Variants in ERC2 observed in about 807,000 individuals in gnomAD.
ERC2 encodes ERC protein 2.
In ERC2, 42 loss-of-function variants were observed where a neutral mutation model predicts 114.8. The ratio of observed to expected loss-of-function variants is 0.37; its 90% CI spans 0.29 to 0.47. ERC2 has a LOEUF of 0.47. Among genes scored for constraint, ERC2 ranks in the 20% least tolerant of loss-of-function variants. The probability of loss-of-function intolerance (pLI) is 0.99; values close to 1 mark genes in which losing one functional copy is unlikely to be tolerated. For missense variants in ERC2, 939 were observed against 1,150.7 expected (o/e 0.82, Z 2.66); for synonymous variants, 454 against 425.5 (o/e 1.07, Z -0.82).
intron 6 of ERC2, among the ~76,000 whole-genome samples, chr3:56,125,050 A>C (rs915110692): frequency 1.3e-5 from 2 of 152,338 alleles, no homozygotes; most frequent in Non-Finnish European, 2.9e-5. Context: ...AGAGAAAATG[A>C]GCTTCCTTCT....
At chr3:55,874,652 TGA>T (rs930999716) in intron 14 of ERC2, among the ~76,000 whole-genome samples, 24 of 152,128 alleles carry the variant, frequency 1.6e-4, no homozygotes, top group Admixed American at 7.9e-4. Flanking sequence ...TGTACTGGTC[TGA>T]GTCCTGAAGA....
chr3:55,627,223 T>A (rs1350992280), intron 17 of ERC2, among the ~76,000 whole-genome samples: 1 of 152,178 alleles, frequency 6.6e-6, no homozygotes, highest in African/African-American at 2.4e-5. Flanking sequence ...ATCCCAGCAA[T>A]TTAGGAGGCC....
intron 14 of ERC2, among the ~76,000 whole-genome samples, chr3:55,798,754 C>CA: frequency 6.6e-6 from 1 of 152,042 alleles, no homozygotes; most frequent in Admixed American, 6.5e-5. Context: ...TTGGGTGAAT[C>CA]AAGGATGAGG....
intron 7 of ERC2, among the ~76,000 whole-genome samples, chr3:56,032,903 GAAAGAA>G (rs1560056144): frequency 6.0e-4 from 22 of 36,744 alleles, no homozygotes; most frequent in African/African-American, 1.4e-3. Flanking sequence ...GAGAGAGACA[GAAAGAA>G]AGAAAGAAAG....
chr3:55,679,568 T>C (rs1479669817), intron 17 of ERC2, among the ~76,000 whole-genome samples: 1 of 152,180 alleles, frequency 6.6e-6, no homozygotes, highest in Non-Finnish European at 1.5e-5. Flanking sequence ...TTTCCTAGCA[T>C]CTAACTGAGA....
chr3:56,010,631 A>G, intron 8 of ERC2, 42 bp from the exon 9 acceptor site: 4 of 1,598,300 alleles, frequency 2.5e-6, no homozygotes, highest in Non-Finnish European at 3.4e-6. Flanking sequence ...AGAACCCATC[A>G]GTGTATATGC....
chr3:55,527,244 C>T (rs367763608), intron 17 of ERC2, among the ~76,000 whole-genome samples: 48 of 152,202 alleles, frequency 3.2e-4, no homozygotes, highest in African/African-American at 1.1e-3. Flanking sequence ...ATCTGTCAGA[C>T]GGAGATAGTA....
chr3:55,519,133 T>A (rs1371690300), intron 17 of ERC2, among the ~76,000 whole-genome samples: 2 of 152,128 alleles, frequency 1.3e-5, no homozygotes, highest in African/African-American at 4.8e-5. Flanking sequence ...CTGCCTGAGG[T>A]TATTAGGTTA....
intron 2 of ERC2, among the ~76,000 whole-genome samples, chr3:56,343,545 G>C (rs1233766729): frequency 6.6e-6 from 1 of 152,094 alleles, no homozygotes; most frequent in South Asian, 2.1e-4. Flanking sequence ...TTGAGCCCAA[G>C]AGTTTAAGGC....
intron 2 of ERC2, among the ~76,000 whole-genome samples, chr3:56,423,052 C>CTT (rs2061443580): frequency 6.6e-6 from 1 of 152,182 alleles, no homozygotes; most frequent in South Asian, 2.1e-4. Flanking sequence ...CACCTATTTA[C>CTT]CAAATGTCTA....
At chr3:56,243,211 C>T (rs773243158) in intron 3 of ERC2, among the ~76,000 whole-genome samples, 1 of 152,114 alleles carries the variant, frequency 6.6e-6, no homozygotes, top group Non-Finnish European at 1.5e-5. Flanking sequence ...TCAGTCATTT[C>T]CCAGACATCT....
chr3:55,915,291 A>T (rs1265992689), intron 13 of ERC2, among the ~76,000 whole-genome samples: 1 of 152,140 alleles, frequency 6.6e-6, no homozygotes, highest in Non-Finnish European at 1.5e-5. Context: ...TATGACGCTT[A>T]TGTTGGCTTA....
At chr3:55,830,007 C>T (rs2060501558) in intron 14 of ERC2, among the ~76,000 whole-genome samples, 2 of 152,084 alleles carry the variant, frequency 1.3e-5, no homozygotes, top group African/African-American at 4.8e-5. Flanking sequence ...CAAAAAAACC[C>T]ACCTGCAGCT....
intron 3 of ERC2, among the ~76,000 whole-genome samples, chr3:56,176,206 A>T (rs376400091): frequency 2.6e-5 from 4 of 152,338 alleles, no homozygotes; most frequent in African/African-American, 9.6e-5. Flanking sequence ...AAAAGCCAGG[A>T]ATGCAATTCA....
At chr3:56,422,443 C>T (rs1432184196) in intron 2 of ERC2, among the ~76,000 whole-genome samples, 1 of 152,136 alleles carries the variant, frequency 6.6e-6, no homozygotes, top group Non-Finnish European at 1.5e-5. Context: ...GGATGGGTTT[C>T]CAAGACAGGA....
chr3:55,829,063 T>C (rs988670024), intron 14 of ERC2, among the ~76,000 whole-genome samples: 1 of 152,128 alleles, frequency 6.6e-6, no homozygotes, highest in Non-Finnish European at 1.5e-5. Flanking sequence ...CCCAGGAAGT[T>C]GAGGCTGCAC....
intron 3 of ERC2, among the ~76,000 whole-genome samples, chr3:56,222,757 G>C (rs371400393): frequency 6.6e-6 from 1 of 152,140 alleles, no homozygotes; most frequent in African/African-American, 2.4e-5. Context: ...CTATACAACC[G>C]CTATAGCTAG....
At chr3:55,868,983 T>C (rs2062447090) in intron 14 of ERC2, among the ~76,000 whole-genome samples, 1 of 152,186 alleles carries the variant, frequency 6.6e-6, no homozygotes, top group African/African-American at 2.4e-5. Flanking sequence ...GGGAGCCTCT[T>C]TCATTGTATA....
At chr3:56,368,092 C>T (rs2059219259) in intron 2 of ERC2, among the ~76,000 whole-genome samples, 1 of 151,396 alleles carries the variant, frequency 6.6e-6, no homozygotes, top group African/African-American at 2.4e-5. Context: ...CAATCATACT[C>T]CAAACCTGTG....
Sources: gnomAD v4.1 joint callset for allele counts (sites outside exome capture counted in the v4.1 genomes callset) on GRCh38, gnomAD v4.1.1 for gene constraint, MANE v1.5 for transcripts, NCBI Gene and HGNC (gene_info 2026-07-23, HGNC 2026-07-21) for gene names.